Variants in CAMK4 observed in about 807,000 individuals in gnomAD.
CAMK4 encodes the protein calcium/calmodulin-dependent protein kinase type IV.
A neutral mutation model predicts 44.9 loss-of-function variants in CAMK4; 22 were observed. The observed-to-expected ratio is 0.49, with a 90% CI of 0.35 to 0.70. CAMK4 has a LOEUF of 0.70. CAMK4 is among the 30% of genes least tolerant of loss of function. The pLI is 0.01. For synonymous variants in CAMK4, 218 were observed against 215.4 expected, an observed-to-expected ratio of 1.01 and a Z score of -0.11; for missense variants, 498 against 586.8, an observed-to-expected ratio of 0.85 and a Z score of 1.56.
In CAMK4 at chr5:111,335,506, A is replaced by G. The variant is rs549282517; in HGVS notation, c.162-8518A>G. On this transcript the variant is annotated intron_variant, in intron 1 of 10. Coordinates refer to ENST00000282356, the MANE Select transcript of CAMK4 (RefSeq NM_001744.6). ...TTTATCTTTTTTTAAAGCAAGAAAGAAGACAGGAAGAAAAAAATGGTGAGA... is the reference window on the plus strand; with the variant it reads ...TTTATCTTTTTTTAAAGCAAGAAAGGAGACAGGAAGAAAAAAATGGTGAGA... Among the ~76,000 whole-genome samples, 13 of 151,476 alleles carry G rather than the reference A, an allele frequency of 8.6e-5. No individual in the cohort carries two copies. The South Asian group carries it at 2.7e-3, about 31-fold the overall frequency.
intron 1 of CAMK4, among the ~76,000 whole-genome samples, chr5:111,330,060 T>C (rs1749093734): frequency 6.6e-6 from 1 of 150,824 alleles, no homozygotes; most frequent in African/African-American, 2.4e-5. Context: ...ATATTTTTTT[T>C]GGTAGAAGTC....
At position 111,436,003 on chromosome 5, in the gene CAMK4, A is replaced by G. The variant is rs537169607; in HGVS notation, c.460-10683A>G. ...CTTTATATACTTTTATCCTGTCAGCATGAAATTTGTCTGTTTATATCTAGA... is the reference window on the plus strand; with the variant it reads ...CTTTATATACTTTTATCCTGTCAGCGTGAAATTTGTCTGTTTATATCTAGA... On this transcript the variant is annotated intron_variant, in intron 5 of 10. Coordinates refer to ENST00000282356, the MANE Select transcript of CAMK4 (RefSeq NM_001744.6). 2.6e-5 allele frequency among the ~76,000 whole-genome samples: 4 copies of G among 152,334 alleles called. No individual in the cohort carries two copies. The East Asian group carries it at 5.8e-4, about 22-fold the overall frequency.
intron 5 of CAMK4, among the ~76,000 whole-genome samples, chr5:111,406,067 C>T (rs1030847538): frequency 6.7e-5 from 10 of 149,492 alleles, no homozygotes; most frequent in Admixed American, 2.0e-4. Context: ...GCATTACATT[C>T]TTTTTTTTTT....
chr5:111,234,236 AC>A (rs1230885359), intron 1 of CAMK4, among the ~76,000 whole-genome samples: 6 of 152,328 alleles, frequency 3.9e-5, no homozygotes, highest in Non-Finnish European at 5.9e-5. Flanking sequence ...AAATATGCAA[AC>A]AAAAAATCAT....
chr5:111,300,558 T>A (rs958611432), intron 1 of CAMK4, among the ~76,000 whole-genome samples: 2 of 152,236 alleles, frequency 1.3e-5, no homozygotes, highest in Non-Finnish European at 2.9e-5. Flanking sequence ...TTAAAATGTT[T>A]ACTTCAGACA....
intron 5 of CAMK4, among the ~76,000 whole-genome samples, chr5:111,404,951 A>T (rs1752362263): frequency 6.6e-6 from 1 of 152,214 alleles, no homozygotes; most frequent in Admixed American, 6.5e-5. Flanking sequence ...ACAATTACTG[A>T]TTCCCTAGTT....
At position 111,359,410 on chromosome 5, in the gene CAMK4, GT is replaced by G. The variant is rs1750507916; in HGVS notation, c.240+15315del. On this transcript the variant is annotated intron_variant, in intron 2 of 10. Coordinates refer to ENST00000282356, the MANE Select transcript of CAMK4 (RefSeq NM_001744.6). ...ATGTCCTTTGCCCACTTTTTAATGG[GT>G]TTTTTTGTTTTTTTCTTATAAATTT... 9.0e-5 allele frequency among the ~76,000 whole-genome samples: 3 copies of G among 33,234 alleles called. 1 individual carries two copies. The highest frequency in any genetic ancestry group is 1.5e-4 in the Non-Finnish European group (2 of 13,610). 21.8% of individuals were successfully genotyped at this position (33,234 alleles called of 152,430 possible). A position where few individuals can be genotyped will look rare whatever the true frequency, so the allele number is the denominator to read the frequency against.
chr5:111,438,592 A>G (rs550261976), intron 5 of CAMK4, among the ~76,000 whole-genome samples: 66 of 152,306 alleles, frequency 4.3e-4, no homozygotes, highest in Middle Eastern at 6.8e-3. Flanking sequence ...ACATTCATGT[A>G]TACTCCTTTA....
At chr5:111,438,377 A>G (rs545108456) in intron 5 of CAMK4, among the ~76,000 whole-genome samples, 4 of 152,322 alleles carry the variant, frequency 2.6e-5, no homozygotes, top group Admixed American at 2.6e-4. Context: ...TTAATGTGAG[A>G]ATAGATATAG....
intron 5 of CAMK4, among the ~76,000 whole-genome samples, chr5:111,398,340 G>C (rs886548669): frequency 6.6e-6 from 1 of 152,204 alleles, no homozygotes; most frequent in African/African-American, 2.4e-5. Flanking sequence ...GAATTGTGCA[G>C]TATAAATGTG....
chr5:111,353,794 G>A (rs1323715442), intron 2 of CAMK4, among the ~76,000 whole-genome samples: 1 of 152,006 alleles, frequency 6.6e-6, no homozygotes, highest in African/African-American at 2.4e-5. Context: ...AATTTAAGGA[G>A]GTGAAAGATC....
intron 1 of CAMK4, among the ~76,000 whole-genome samples, chr5:111,288,209 A>G (rs1215634546): frequency 1.3e-5 from 2 of 152,244 alleles, no homozygotes; most frequent in African/African-American, 4.8e-5. Context: ...TTATTTTTCT[A>G]TTCTGCTCAA....
At position 111,491,086 on chromosome 5, in the gene CAMK4, C is replaced by T. The variant is rs1755811599; in HGVS notation, c.*6620C>T. ...CGTCTTTGAGATACACACATTAAAA[C>T]TTATGTGCATATTTTTTTAAAGAGT... On this transcript the variant is annotated 3_prime_UTR_variant, in exon 11 of 11. Coordinates refer to ENST00000282356, the MANE Select transcript of CAMK4 (RefSeq NM_001744.6). 1 of 152,204 alleles carries T rather than the reference C, an allele frequency of 6.6e-6. No individual in the cohort carries two copies. Among genetic ancestry groups the T allele is most frequent in the Non-Finnish European group, 1.5e-5 (1 of 68,026 alleles). The allele number at this position is 152,204 out of a possible 1,614,324, so 9.4% of individuals were successfully genotyped here.
intron 4 of CAMK4, among the ~76,000 whole-genome samples, chr5:111,387,335 C>T (rs1751639605): frequency 6.6e-6 from 1 of 152,072 alleles, no homozygotes; most frequent in African/African-American, 2.4e-5. Flanking sequence ...TTTTGAGATG[C>T]CAGCTAAATT....
chr5:111,239,114 C>T (rs914865161), intron 1 of CAMK4, among the ~76,000 whole-genome samples: 1 of 152,028 alleles, frequency 6.6e-6, no homozygotes. Flanking sequence ...ATGTTTTCAT[C>T]AGGACTTGGA....
chr5:111,479,991 T>C (rs1434973984), intron 9 of CAMK4, among the ~76,000 whole-genome samples: 1 of 151,998 alleles, frequency 6.6e-6, no homozygotes, highest in African/African-American at 2.4e-5. Flanking sequence ...TCGCATCATG[T>C]CCTTGTCCTG....
chr5:111,289,573 G>A (rs1194725206), intron 1 of CAMK4, among the ~76,000 whole-genome samples: 1 of 152,188 alleles, frequency 6.6e-6, no homozygotes, highest in East Asian at 1.9e-4. Flanking sequence ...GGCTGTATTT[G>A]ATATTCACTA....
intron 1 of CAMK4, among the ~76,000 whole-genome samples, chr5:111,236,874 C>A (rs1437735414): frequency 6.6e-6 from 1 of 152,208 alleles, no homozygotes; most frequent in Non-Finnish European, 1.5e-5. Flanking sequence ...ATGCCTGCCT[C>A]CCCTTAAGTG....
intron 1 of CAMK4, among the ~76,000 whole-genome samples, chr5:111,326,794 T>C (rs1041435566): frequency 1.3e-5 from 2 of 152,040 alleles, no homozygotes; most frequent in South Asian, 2.1e-4. Flanking sequence ...GTATTTCTTA[T>C]AGATACTTTT....
Sources: allele counts gnomAD v4.1 joint callset (sites outside exome capture counted in the v4.1 genomes callset), GRCh38; gene constraint gnomAD v4.1.1; transcripts MANE v1.5; gene names NCBI Gene and HGNC (gene_info 2026-07-23, HGNC 2026-07-21).